The following CGGBP1 variants were observed in gnomAD, a reference collection of about 807,000 sequenced individuals.
The protein encoded by CGGBP1 is CGG triplet repeat-binding protein 1.
In CGGBP1, 4 loss-of-function variants were observed where a neutral mutation model predicts 11.4. That is an observed-to-expected ratio of 0.35 (90% CI 0.17 to 0.80). The LOEUF is 0.80. Ranked by LOEUF, CGGBP1 falls within the 30% of genes least tolerant of loss-of-function variation. The probability of loss-of-function intolerance (pLI) is 0.52; values close to 1 mark genes in which losing one functional copy is unlikely to be tolerated. For synonymous variants in CGGBP1, 76 were observed against 74.1 expected (o/e 1.03, Z -0.13); for missense variants, 135 against 202.1 (o/e 0.67, Z 2.01).
Position 88,058,924 on chromosome 3 carries a change from C to T in CGGBP1, c.-440G>A. The T allele has an allele frequency of 5.2e-6, 1 of 191,824 alleles. No homozygotes were observed. Among genetic ancestry groups the T allele is most frequent in the Non-Finnish European group, 1.1e-5 (1 of 94,960 alleles). 11.9% of individuals were successfully genotyped at this position (191,824 alleles called of 1,614,324 possible). On this transcript the variant is annotated 5_prime_UTR_variant, in exon 1 of 4. Transcript: ENST00000482016. The stretch of plus-strand genomic sequence containing the variant: ...AAGGGAGGAGGAGGATCCGTCGCTG[C>T]CGCCGTCGCCGCCGTTGCCCGATCG...
chr3:88,109,181 A>G (rs369989470), intron 2 of CGGBP1, among the ~76,000 whole-genome samples: 21 of 61,210 alleles, frequency 3.4e-4, no homozygotes, highest in South Asian at 2.2e-3. Flanking sequence ...GTGTGTGTGT[A>G]TGAAGAAAAC....
chr3:88,059,378 T>C (rs73146068), upstream of CGGBP1: 1 of 1,535,174 alleles, frequency 6.5e-7, no homozygotes, highest in Non-Finnish European at 8.7e-7. Flanking sequence ...CTTGTGGCCA[T>C]TGTGGAGTCC....
At chr3:88,139,907 T>G (rs1707015377) in intron 2 of CGGBP1, 3 of 1,613,314 alleles carry the variant, frequency 1.9e-6, no homozygotes, top group Admixed American at 1.7e-5. Context: ...AAGGAAACTT[T>G]AAGTGTCCTG....
At chr3:88,091,798 A>G (rs753392402) in intron 2 of CGGBP1, among the ~76,000 whole-genome samples, 3 of 152,192 alleles carry the variant, frequency 2.0e-5, no homozygotes, top group Non-Finnish European at 4.4e-5. Flanking sequence ...CCGCCATGTA[A>G]GACATGCCTT....
At chr3:88,086,424 T>A in intron 2 of CGGBP1, 1 of 1,457,698 alleles carries the variant, frequency 6.9e-7, no homozygotes, top group Non-Finnish European at 9.1e-7. Context: ...TTACTTCTTA[T>A]AAATGCATTA....
intron 2 of CGGBP1, among the ~76,000 whole-genome samples, chr3:88,129,985 C>G (rs948342690): frequency 1.3e-5 from 2 of 152,056 alleles, no homozygotes; most frequent in African/African-American, 2.4e-5. Flanking sequence ...GAACTAGAGA[C>G]TTTAAAAAGA....
intron 2 of CGGBP1, among the ~76,000 whole-genome samples, chr3:88,092,037 T>C (rs1428561968): frequency 2.0e-5 from 3 of 152,328 alleles, no homozygotes; most frequent in South Asian, 4.1e-4. Flanking sequence ...AAAAGAAATA[T>C]GTTATCTTGA....
intron 2 of CGGBP1, among the ~76,000 whole-genome samples, chr3:88,101,366 A>G (rs748433570): frequency 1.3e-5 from 2 of 152,170 alleles, no homozygotes; most frequent in Non-Finnish European, 2.9e-5. Flanking sequence ...TATAAATGAT[A>G]TCATAGAATA....
upstream of CGGBP1, among the ~76,000 whole-genome samples, chr3:88,060,197 C>T (rs1367828595): frequency 6.6e-6 from 1 of 152,056 alleles, no homozygotes; most frequent in Admixed American, 6.5e-5. Context: ...TTTCCTTAAA[C>T]TCTTGCTCCG....
chr3:88,072,598 C>CT (rs1257102031), intron 2 of CGGBP1, among the ~76,000 whole-genome samples: 3 of 152,128 alleles, frequency 2.0e-5, no homozygotes, highest in Admixed American at 6.5e-5. Context: ...CAGATAGACT[C>CT]TTATTAGAGA....
At chr3:88,149,393 G>T (rs1707366187) in intron 1 of CGGBP1, among the ~76,000 whole-genome samples, 1 of 152,258 alleles carries the variant, frequency 6.6e-6, no homozygotes, top group Non-Finnish European at 1.5e-5. Context: ...CTAAGGCCGA[G>T]CCGGCAACGA....
At chr3:88,138,095 AG>A (rs1706907938) in intron 2 of CGGBP1, among the ~76,000 whole-genome samples, 1 of 152,142 alleles carries the variant, frequency 6.6e-6, no homozygotes, top group Non-Finnish European at 1.5e-5. Flanking sequence ...GATAACTTCC[AG>A]GGGGCTCATT....
intron 2 of CGGBP1, among the ~76,000 whole-genome samples, chr3:88,077,345 T>C (rs1030745128): frequency 6.6e-6 from 1 of 151,156 alleles, no homozygotes; most frequent in Non-Finnish European, 1.5e-5. Flanking sequence ...TTTTTTTTTT[T>C]TTTTTTGAGA....
chr3:88,085,368 C>T (rs1164254874), intron 2 of CGGBP1, among the ~76,000 whole-genome samples: 1 of 152,268 alleles, frequency 6.6e-6, no homozygotes, highest in East Asian at 1.9e-4. Context: ...TCCAATAAAA[C>T]CTTATTTATA....
upstream of CGGBP1, among the ~76,000 whole-genome samples, chr3:88,063,006 G>C (rs1462751724): frequency 1.3e-5 from 2 of 152,178 alleles, no homozygotes; most frequent in East Asian, 3.8e-4. Context: ...TATTTAATTA[G>C]AAAAGCGGAA....
rs185706322 is a variant in CGGBP1, at chr3:88,139,206, G to C, written c.-229+1764C>G. ...TCAGAGCACTGGAGAGACTGATCCT[G>C]ATGATGTATCTGGAGTGCAGCCTAA... is the stretch of plus-strand genomic sequence containing the variant. On this transcript the variant is annotated intron_variant, in intron 2 of 3. Transcript: ENST00000462901. 1.7e-4 allele frequency: 244 copies of C among 1,460,862 alleles called. No homozygotes were observed. In the East Asian group the frequency reaches 5.5e-3, roughly 33 times the overall value. 90.5% of individuals were successfully genotyped at this position (1,460,862 alleles called of 1,614,324 possible).
intron 1 of CGGBP1, among the ~76,000 whole-genome samples, chr3:88,149,374 T>A (rs1576367430): frequency 3.9e-5 from 6 of 152,234 alleles, no homozygotes; most frequent in African/African-American, 1.4e-4. Context: ...GCGCGCGACA[T>A]CGCCTCTTCT....
chr3:88,140,748 C>G lies in CGGBP1; in HGVS notation c.-229+222G>C, dbSNP rs1283484750. The G allele has an allele frequency of 4.3e-6, 7 of 1,613,682 alleles. No homozygotes were observed. The highest frequency in any genetic ancestry group is 5.9e-6 in the Non-Finnish European group (7 of 1,179,728). Reference sequence around the variant, plus strand: ...CAACACCTTGCCAGTATCTCAGGCACCTTCCAAACCAAATCTGACAAGTGA... The same window carrying G: ...CAACACCTTGCCAGTATCTCAGGCAGCTTCCAAACCAAATCTGACAAGTGA... On this transcript the variant is annotated intron_variant, in intron 2 of 3. Coordinates refer to the CGGBP1 transcript ENST00000462901.
intron 2 of CGGBP1, among the ~76,000 whole-genome samples, chr3:88,138,532 A>G (rs1165753535): frequency 2.0e-5 from 3 of 152,196 alleles, no homozygotes; most frequent in Non-Finnish European, 2.9e-5. Context: ...TAAGAAAAAG[A>G]GAAAGGTATA....
Sources: allele counts gnomAD v4.1 joint callset (sites outside exome capture counted in the v4.1 genomes callset), GRCh38; gene constraint gnomAD v4.1.1; transcripts MANE v1.5; gene names NCBI Gene and HGNC (gene_info 2026-07-23, HGNC 2026-07-21).